MTRF1: variants seen among roughly 807,000 people sequenced by gnomAD.
MTRF1 encodes peptide chain release factor 1, mitochondrial.
Under a neutral mutation model 62.9 loss-of-function variants are expected in MTRF1, and 51 were observed. That is an observed-to-expected ratio of 0.81 (90% CI 0.65 to 1.02). The LOEUF is 1.02. Among genes scored for constraint, MTRF1 ranks in the 50% least tolerant of loss-of-function variants. The probability of loss-of-function intolerance (pLI) is 0.00; values close to 1 mark genes in which losing one functional copy is unlikely to be tolerated. For synonymous variants in MTRF1, 158 were observed against 181.9 expected (o/e 0.87, Z 1.06); for missense variants, 446 against 530.0 (o/e 0.84, Z 1.56).
At chr13:41,294,230 C>T in the MTRF1 span, among the ~76,000 whole-genome samples, 1 of 151,844 alleles carries the variant, frequency 6.6e-6, no homozygotes, top group Non-Finnish European at 1.5e-5. Context: ...CCATCCTGGC[C>T]AACATGGTGA....
intron 4 of MTRF1, 34 bp from the exon 5 acceptor site, chr13:41,252,786 C>T: frequency 1.3e-6 from 2 of 1,590,326 alleles, no homozygotes; most frequent in Non-Finnish European, 1.7e-6. Context: ...TTAGTCAGGA[C>T]AAATTTCGGA....
In MTRF1 at chr13:41,225,229, C is replaced by A. The variant is rs1035027757; in HGVS notation, c.1125+1203G>T. On this transcript the variant is annotated intron_variant, in intron 8 of 9. Coordinates refer to ENST00000379480, the MANE Select transcript of MTRF1 (RefSeq NM_004294.4). The stretch of plus-strand genomic sequence containing the variant: ...TGTCTCAAAAAAAAAAAAAAAAAAA[C>A]TTTGTGCAACGCCTGGTGCCAAAAT... 1.7e-3 allele frequency among the ~76,000 whole-genome samples: 195 copies of A among 115,594 alleles called. 3 individuals carry two copies. Among genetic ancestry groups the A allele is most frequent in the Admixed American group, 0.014 (171 of 11,856 alleles). 75.8% of individuals were successfully genotyped at this position (115,594 alleles called of 152,430 possible).
In MTRF1 at chr13:41,263,250, G is replaced by A. The variant is rs1036467534; in HGVS notation, c.-9+235C>T. On this transcript the variant is annotated intron_variant, in intron 1 of 9. Transcript: ENST00000379480. ...TAAGGAAAACAAAACAAAACAAGAT[G>A]TTTACTCTCCAAGGTTAACTACACC... is the stretch of plus-strand genomic sequence containing the variant. 1.0e-5 allele frequency: 13 copies of A among 1,287,214 alleles called. No homozygotes were observed. In the African/African-American group the frequency reaches 1.8e-4, roughly 18 times the overall value. 79.7% of individuals were successfully genotyped at this position (1,287,214 alleles called of 1,614,324 possible).
the MTRF1 span, chr13:41,311,092 G>A: frequency 1.5e-4 from 36 of 240,156 alleles, no homozygotes; most frequent in African/African-American, 7.9e-4. Flanking sequence ...TTTGGTGACA[G>A]CTCGCCTGAG....
At chr13:41,263,296 C>T in intron 1 of MTRF1, 189 bp downstream of exon 1, 1 of 1,289,344 alleles carries the variant, frequency 7.8e-7, no homozygotes, top group Non-Finnish European at 1.0e-6. Flanking sequence ...ACGACTTCTC[C>T]ATTACCCATC....
Position 41,255,504 on chromosome 13 carries a change from C to T in MTRF1, c.416-884G>A, listed in dbSNP as rs1004584340. On this transcript the variant is annotated intron_variant, in intron 2 of 9. Coordinates refer to ENST00000379480, the MANE Select transcript of MTRF1 (RefSeq NM_004294.4). ...GTCAGAAGTTCGAGACCAGCCTGGC[C>T]AAAGTGGTGAAATCCCATCTCTACT... is the stretch of plus-strand genomic sequence containing the variant. Among the ~76,000 whole-genome samples the T allele has an allele frequency of 3.9e-5, 6 of 152,104 alleles. No individual in the cohort carries two copies. The South Asian group carries it at 1.0e-3, about 26-fold the overall frequency.
the MTRF1 span, among the ~76,000 whole-genome samples, chr13:41,286,557 A>G: frequency 6.6e-6 from 1 of 152,234 alleles, no homozygotes; most frequent in Non-Finnish European, 1.5e-5. Context: ...TGTTTTACCC[A>G]TGACATTTTT....
At chr13:41,281,866 G>T in the MTRF1 span, among the ~76,000 whole-genome samples, 4 of 152,306 alleles carry the variant, frequency 2.6e-5, no homozygotes, top group South Asian at 8.3e-4. Context: ...GCCGGGCACG[G>T]TGGCTCATGC....
the MTRF1 span, among the ~76,000 whole-genome samples, chr13:41,299,838 T>G: frequency 6.6e-6 from 1 of 152,074 alleles, no homozygotes; most frequent in Admixed American, 6.5e-5. Context: ...GACCTTAATA[T>G]CAGAGAAAAA....
chr13:41,303,630 T>C, the MTRF1 span, among the ~76,000 whole-genome samples: 2 of 152,204 alleles, frequency 1.3e-5, no homozygotes, highest in Non-Finnish European at 2.9e-5. Context: ...GAACCAGAGC[T>C]ACTCCATCTT....
chr13:41,260,712 T>C lies in MTRF1; in HGVS notation c.196A>G (p.Thr66Ala), dbSNP rs899280147. Residue 66 changes from threonine to alanine, a missense_variant, in exon 2 of 10, where the codon ACC becomes GCC. By Grantham distance (58) the Thr-to-Ala change is moderately conservative. Transcript: ENST00000379480. ...GCTTTATGCTTCCAGAGCATCTTGGTGTCTTGATGGCAATATCTCCTGGAC... is the reference window on the plus strand; with the variant it reads ...GCTTTATGCTTCCAGAGCATCTTGGCGTCTTGATGGCAATATCTCCTGGAC... Reference protein sequence around the residue: ...NWSRRYCHQDTKMLWKHKALQ... With the variant: ...NWSRRYCHQDAKMLWKHKALQ... 6.2e-7 allele frequency: 1 copy of C among 1,614,188 alleles called. No homozygotes were observed.
chr13:41,304,457 CT>C, the MTRF1 span, among the ~76,000 whole-genome samples: 1 of 152,142 alleles, frequency 6.6e-6, no homozygotes, highest in Non-Finnish European at 1.5e-5. Context: ...ATATTTTTGA[CT>C]GTTAGAAGAC....
At chr13:41,294,805 A>G in the MTRF1 span, among the ~76,000 whole-genome samples, 1 of 152,166 alleles carries the variant, frequency 6.6e-6, no homozygotes, top group African/African-American at 2.4e-5. Flanking sequence ...TTTGCATGTG[A>G]TCAGGTTGGC....
At chr13:41,223,214 T>G (rs750471568) in intron 9 of MTRF1, 42 bp downstream of exon 9, 1 of 1,376,232 alleles carries the variant, frequency 7.3e-7, no homozygotes, top group Admixed American at 1.8e-5. Context: ...CTATATTTTC[T>G]TCTGAAATCA....
chr13:41,279,960 C>T, the MTRF1 span, among the ~76,000 whole-genome samples: 6 of 152,154 alleles, frequency 3.9e-5, no homozygotes, highest in African/African-American at 1.4e-4. Context: ...TATTTTGAGA[C>T]AGAGTTTTGC....
chr13:41,304,150 G>T, the MTRF1 span, among the ~76,000 whole-genome samples: 1 of 152,218 alleles, frequency 6.6e-6, no homozygotes, highest in Non-Finnish European at 1.5e-5. Context: ...AAAAGAAAGA[G>T]AAATTCATGA....
At chr13:41,218,124 CTTT>C (rs993379383) in intron 9 of MTRF1, among the ~76,000 whole-genome samples, 1 of 150,838 alleles carries the variant, frequency 6.6e-6, no homozygotes, top group Non-Finnish European at 1.5e-5. Context: ...ATTGACTAAT[CTTT>C]TTTTTTGAGA....
At chr13:41,260,357 G>T in intron 2 of MTRF1, 136 bp downstream of exon 2, 1 of 911,220 alleles carries the variant, frequency 1.1e-6, no homozygotes. Flanking sequence ...TGCTTCTGTG[G>T]GAAAAAAAAA....
the MTRF1 span, among the ~76,000 whole-genome samples, chr13:41,293,931 A>C: frequency 1.3e-5 from 2 of 152,186 alleles, no homozygotes; most frequent in Non-Finnish European, 2.9e-5. Context: ...TGATATATTG[A>C]AAATGAACCA....
Sources: gnomAD v4.1 joint callset for allele counts (sites outside exome capture counted in the v4.1 genomes callset) on GRCh38, gnomAD v4.1.1 for gene constraint, MANE v1.5 for transcripts, NCBI Gene and HGNC (gene_info 2026-07-23, HGNC 2026-07-21) for gene names.